Variants in IARS1 observed in about 807,000 individuals in gnomAD.
IARS1 encodes isoleucyl-tRNA synthetase 1, also known as isoleucine--tRNA ligase, cytoplasmic.
In IARS1, 124 loss-of-function variants were observed where a neutral mutation model predicts 168.2. The observed-to-expected ratio is 0.74, with a 90% CI of 0.64 to 0.86. The LOEUF (loss-of-function observed/expected upper bound fraction) is 0.86. Among genes scored for constraint, IARS1 ranks in the 40% least tolerant of loss-of-function variants. The probability of loss-of-function intolerance (pLI) is 0.00; values close to 1 mark genes in which losing one functional copy is unlikely to be tolerated. For synonymous variants in IARS1, 532 were observed against 529.4 expected (o/e 1.00, Z -0.07); for missense variants, 1,452 against 1,515.8 (o/e 0.96, Z 0.70).
chr9:92,237,073 G>A (rs1827658186), intron 30 of IARS1, among the ~76,000 whole-genome samples: 1 of 151,916 alleles, frequency 6.6e-6, no homozygotes, highest in African/African-American at 2.4e-5. Context: ...TTATTTTTAT[G>A]TTTTTCCTTC....
rs373232621 is a variant in IARS1 at position 92,256,369 on chromosome 9, AGTAGAGACAGG to A, written c.2137+300_2137+310del. The A allele has an allele frequency of 2.2e-3, 338 of 153,780 alleles. 4 individuals carry two copies. The highest frequency in any genetic ancestry group is 7.7e-3 in the African/African-American group (314 of 40,756). 9.5% of individuals were successfully genotyped at this position (153,780 alleles called of 1,614,324 possible). ...TTTTTTTTTTTTTAAATATATTTTT[AGTAGAGACAGG>A]GTTTCGCCATGTTGGCCAGGCTGGT... On this transcript the variant is annotated intron_variant, in intron 20 of 33. Coordinates refer to ENST00000443024, the MANE Select transcript of IARS1 (RefSeq NM_002161.6).
At chr9:92,263,095 G>A (rs962885763) in intron 16 of IARS1, 40 bp from the exon 17 acceptor site, 2 of 1,348,478 alleles carry the variant, frequency 1.5e-6, no homozygotes, top group Non-Finnish European at 2.1e-6. Context: ...AAATAGAAAT[G>A]AAGTCCAAGC....
chr9:92,273,598 A>G (rs1833394918), intron 10 of IARS1, among the ~76,000 whole-genome samples: 1 of 152,260 alleles, frequency 6.6e-6, no homozygotes, highest in Admixed American at 6.5e-5. Flanking sequence ...GATTTCCATA[A>G]TAAAAATTCA....
chr9:92,270,003 C>T lies in IARS1; in HGVS notation c.1206-20G>A, dbSNP rs1035211084. ...TCTGATCTGGGGAAGCAGAAACACACACATAGCTGCTCAGGCTGAGACTAG... is the reference window on the plus strand; with the variant it reads ...TCTGATCTGGGGAAGCAGAAACACATACATAGCTGCTCAGGCTGAGACTAG... On this transcript the variant is annotated intron_variant, in intron 12 of 33. Coordinates refer to ENST00000443024, the MANE Select transcript of IARS1 (RefSeq NM_002161.6). 1 of 1,504,886 alleles carries T rather than the reference C, an allele frequency of 6.6e-7. No homozygotes were observed. The highest frequency in any genetic ancestry group is 1.7e-4 in the Middle Eastern group (1 of 5,830). The allele number at this position is 1,504,886 out of a possible 1,614,324, so 93.2% of individuals were successfully genotyped here. A position where few individuals can be genotyped will look rare whatever the true frequency, so the allele number is the denominator to read the frequency against.
At chr9:92,255,428 G>A (rs1019569006) in intron 20 of IARS1, among the ~76,000 whole-genome samples, 20 of 152,128 alleles carry the variant, frequency 1.3e-4, no homozygotes, top group African/African-American at 4.6e-4. Flanking sequence ...ACTGTCTGAG[G>A]TGTCCCAGAT....
chr9:92,273,915 C>T (rs537438887), intron 10 of IARS1, among the ~76,000 whole-genome samples: 6 of 152,296 alleles, frequency 3.9e-5, no homozygotes, highest in East Asian at 3.9e-4. Flanking sequence ...AGGAACTGCC[C>T]GTTAGTGGCA....
At chr9:92,235,816 C>T (rs1401130572) in intron 30 of IARS1, among the ~76,000 whole-genome samples, 2 of 151,736 alleles carry the variant, frequency 1.3e-5, no homozygotes, top group Admixed American at 6.6e-5. Flanking sequence ...TGACCCACCT[C>T]GCCTGGACTA....
intron 31 of IARS1, 84 bp from the exon 32 acceptor site, chr9:92,223,573 TG>T: frequency 8.8e-7 from 1 of 1,131,046 alleles, no homozygotes; most frequent in Non-Finnish European, 1.3e-6. Context: ...TTAACTATCA[TG>T]TATCTTTTTA....
intron 6 of IARS1, among the ~76,000 whole-genome samples, 165 bp downstream of exon 6, chr9:92,285,557 A>G (rs1835307437): frequency 6.6e-6 from 1 of 152,236 alleles, no homozygotes; most frequent in South Asian, 2.1e-4. Context: ...GCCTTAGTAT[A>G]CTAACTGGCA....
chr9:92,274,621 C>T (rs2295940), intron 9 of IARS1, 100 bp from the exon 10 acceptor site: 41,492 of 721,160 alleles, frequency 0.058, 4,900 homozygotes, highest in East Asian at 0.37. Context: ...TGCTTTTAAC[C>T]GGTAAAATTA....
chr9:92,260,138 C>T lies in IARS1; in HGVS notation c.1871+13G>A. On this transcript the variant is annotated intron_variant, in intron 18 of 33. Transcript: ENST00000443024. ...AACAATAGATACACACAAGGCAAAG[C>T]ACTGGTTTGTACCTGAGGGCATCAG... The T allele has an allele frequency of 6.4e-7, 1 of 1,553,570 alleles. No homozygotes were observed. The highest frequency in any genetic ancestry group is 8.9e-7 in the Non-Finnish European group (1 of 1,124,702).
chr9:92,256,711 A>C lies in IARS1; in HGVS notation c.2106T>G (p.Ser702=). The change falls in exon 20 of 34, where the codon TCT becomes TCG. Residue 702 remains serine, a synonymous_variant. Transcript: ENST00000443024. ...TDRWILSFMQ[S]LIGFFETEMA... ...TTTCAGTCTCAAAGAAGCCAATGAG[A>C]GACTGCATGAAGGACAGGATCCACC... The C allele has an allele frequency of 6.2e-7, 1 of 1,613,904 alleles. No individual in the cohort carries two copies. Among genetic ancestry groups the C allele is most frequent in the Non-Finnish European group, 8.5e-7 (1 of 1,179,860 alleles).
At chr9:92,285,354 A>G (rs1835274770) in intron 6 of IARS1, among the ~76,000 whole-genome samples, 1 of 152,206 alleles carries the variant, frequency 6.6e-6, no homozygotes, top group Non-Finnish European at 1.5e-5. Context: ...TAACAAATAA[A>G]TGATATCATG....
At chr9:92,231,314 C>T (rs975020136) in intron 30 of IARS1, among the ~76,000 whole-genome samples, 1 of 152,076 alleles carries the variant, frequency 6.6e-6, no homozygotes, top group Non-Finnish European at 1.5e-5. Context: ...GTACCTAGCA[C>T]ATGGCTACAG....
chr9:92,291,745 C>A (rs1054392373), intron 1 of IARS1, among the ~76,000 whole-genome samples: 2 of 152,142 alleles, frequency 1.3e-5, no homozygotes, highest in African/African-American at 4.8e-5. Context: ...GACTAACAGA[C>A]CTTTAGATAC....
intron 9 of IARS1, among the ~76,000 whole-genome samples, chr9:92,276,262 T>C (rs958960859): frequency 6.6e-6 from 1 of 151,780 alleles, no homozygotes; most frequent in East Asian, 1.9e-4. Flanking sequence ...AAGAAAAAAA[T>C]AAAGACTTTT....
chr9:92,239,276 CT>C (rs1034864817), intron 30 of IARS1, among the ~76,000 whole-genome samples: 3 of 152,056 alleles, frequency 2.0e-5, no homozygotes, highest in Non-Finnish European at 2.9e-5. Flanking sequence ...TTGAGAATGT[CT>C]TTATTTTCCC....
chr9:92,236,093 C>T (rs1827477563), intron 30 of IARS1, among the ~76,000 whole-genome samples: 1 of 152,084 alleles, frequency 6.6e-6, no homozygotes, highest in Admixed American at 6.5e-5. Context: ...AGCAATTCTC[C>T]TGCCTCAGCC....
chr9:92,285,881 A>G, intron 5 of IARS1, 42 bp from the exon 6 acceptor site: 3 of 1,111,292 alleles, frequency 2.7e-6, no homozygotes, highest in South Asian at 1.3e-5. Context: ...ACAAAATTCT[A>G]TTTCTGAAAA....
Sources: gnomAD v4.1 joint callset for allele counts (sites outside exome capture counted in the v4.1 genomes callset) on GRCh38, gnomAD v4.1.1 for gene constraint, MANE v1.5 for transcripts, NCBI Gene and HGNC (gene_info 2026-07-23, HGNC 2026-07-21) for gene names.